Variants in OSBPL11 observed in about 807,000 individuals in gnomAD.
The protein encoded by OSBPL11 is oxysterol binding protein like 11.
In OSBPL11, 33 loss-of-function variants were observed where a neutral mutation model predicts 84.4. The observed-to-expected ratio is 0.39, with a 90% CI of 0.30 to 0.52. OSBPL11 has a LOEUF of 0.52. OSBPL11 is among the 20% of genes least tolerant of loss of function. OSBPL11 has a pLI of 0.72. For synonymous variants in OSBPL11, 276 were observed against 310.2 expected, an observed-to-expected ratio of 0.89 and a Z score of 1.16; for missense variants, 736 against 901.1, an observed-to-expected ratio of 0.82 and a Z score of 2.35.
chr3:125,538,691 TAGATCTGAAACCCA>T, intron 10 of OSBPL11, 58 bp from the exon 11 acceptor site: 1 of 1,474,700 alleles, frequency 6.8e-7, no homozygotes, highest in Non-Finnish European at 9.1e-7. Context: ...GTTTGTTTCT[TAGATCTGAAACCCA>T]AGAACACAGC....
chr3:125,535,669 T>C (rs763194328), intron 11 of OSBPL11, among the ~76,000 whole-genome samples: 17 of 150,900 alleles, frequency 1.1e-4, no homozygotes, highest in Non-Finnish European at 2.1e-4. Flanking sequence ...GAGATGGGGT[T>C]TCACCATGTT....
At chr3:125,589,748 C>T (rs943128883) in intron 1 of OSBPL11, among the ~76,000 whole-genome samples, 1 of 152,098 alleles carries the variant, frequency 6.6e-6, no homozygotes, top group Non-Finnish European at 1.5e-5. Flanking sequence ...CGAACAGGCA[C>T]TTTTCCTTAT....
intron 8 of OSBPL11, among the ~76,000 whole-genome samples, chr3:125,559,871 C>A (rs930791542): frequency 1.3e-5 from 2 of 151,802 alleles, no homozygotes; most frequent in Non-Finnish European, 2.9e-5. Flanking sequence ...TAGGCATGAG[C>A]CACTGTGCCT....
chr3:125,568,480 T>G lies in OSBPL11; in HGVS notation c.667-885A>C, dbSNP rs1936195546. Among the ~76,000 whole-genome samples the G allele has an allele frequency of 1.1e-4, 16 of 151,710 alleles. 1 individual carries two copies. The highest frequency in any genetic ancestry group is 1.1e-3 in the Admixed American group (16 of 15,234). ...TAAGCCATCAAGTTATCAGAAAGAT[T>G]CTAGAAGATCCTTAACAGGAAAATC... On this transcript the variant is annotated intron_variant, in intron 5 of 12. Transcript: ENST00000296220.
chr3:125,546,081 G>A (rs1289924364), intron 10 of OSBPL11, among the ~76,000 whole-genome samples: 2 of 147,928 alleles, frequency 1.4e-5, no homozygotes, highest in Non-Finnish European at 3.0e-5. Flanking sequence ...GAGCCCAGGA[G>A]TACAAAACCA....
At position 125,547,439 on chromosome 3, in the gene OSBPL11, T is replaced by G. The variant is rs773337391; in HGVS notation, c.1808A>C (p.His603Pro). 3.1e-6 allele frequency: 5 copies of G among 1,614,112 alleles called. No individual in the cohort carries two copies. The highest frequency in any genetic ancestry group is 1.7e-5 in the Admixed American group (1 of 59,992). Residue 603 changes from histidine (H) to proline (P), a missense_variant, in exon 10 of 13, where the codon CAT becomes CCT. Transcript: ENST00000296220. ...TTTGCCACCATAAAATGGCTTGGTA[T>G]GAAAAGTGATGCTGGCTGAATATCC... The part of the protein sequence containing the change: ...KTGYSASITF[H>P]TKPFYGGKLH...
intron 6 of OSBPL11, among the ~76,000 whole-genome samples, chr3:125,566,054 G>A (rs994133258): frequency 2.0e-5 from 3 of 152,082 alleles, no homozygotes; most frequent in Admixed American, 6.6e-5. Context: ...CACCCAGGCT[G>A]GAGCGCAGTG....
intron 1 of OSBPL11, 45 bp downstream of exon 1, chr3:125,594,592 C>T: frequency 6.3e-7 from 1 of 1,598,198 alleles, no homozygotes; most frequent in Non-Finnish European, 8.5e-7. Context: ...GGCATATTCA[C>T]CCCTACCTCC....
intron 10 of OSBPL11, 93 bp downstream of exon 10, chr3:125,547,313 T>G: frequency 9.4e-7 from 1 of 1,060,964 alleles, no homozygotes; most frequent in Middle Eastern, 2.1e-4. Flanking sequence ...CAAATCCAAC[T>G]TCACATAGAA....
intron 8 of OSBPL11, among the ~76,000 whole-genome samples, chr3:125,553,547 A>G (rs1410361060): frequency 6.6e-6 from 1 of 152,262 alleles, no homozygotes; most frequent in East Asian, 1.9e-4. Flanking sequence ...CGTCTGAGAA[A>G]GCAAAATCTG....
intron 2 of OSBPL11, among the ~76,000 whole-genome samples, chr3:125,581,217 A>C (rs1486960139): frequency 6.6e-6 from 1 of 151,612 alleles, no homozygotes; most frequent in Non-Finnish European, 1.5e-5. Context: ...CTCAGCTCCC[A>C]AGTACCTGGG....
chr3:125,587,118 A>G (rs1165478982), intron 1 of OSBPL11, among the ~76,000 whole-genome samples: 1 of 152,232 alleles, frequency 6.6e-6, no homozygotes, highest in African/African-American at 2.4e-5. Flanking sequence ...TGCAGCTGCC[A>G]TACAAATAAA....
At chr3:125,583,316 C>T (rs1033871265) in intron 1 of OSBPL11, among the ~76,000 whole-genome samples, 16 of 152,056 alleles carry the variant, frequency 1.1e-4, no homozygotes, top group African/African-American at 2.9e-4. Flanking sequence ...CACAGTGGCT[C>T]GAACCTGTAA....
chr3:125,541,503 G>A (rs1935728257), intron 10 of OSBPL11, among the ~76,000 whole-genome samples: 1 of 152,176 alleles, frequency 6.6e-6, no homozygotes, highest in Non-Finnish European at 1.5e-5. Context: ...TATTTGTCAA[G>A]CCTTGTGACT....
chr3:125,593,675 T>C (rs1394429236), intron 1 of OSBPL11, among the ~76,000 whole-genome samples: 2 of 152,054 alleles, frequency 1.3e-5, no homozygotes, highest in African/African-American at 4.8e-5. Context: ...GTTAATATAG[T>C]CATGCATATT....
chr3:125,580,090 A>C (rs775187353), intron 2 of OSBPL11, 50 bp from the exon 3 acceptor site: 11 of 1,507,118 alleles, frequency 7.3e-6, no homozygotes, highest in Non-Finnish European at 9.1e-7. Context: ...TCCCTCAGCA[A>C]ACTAAAGCAA....
rs1936262899 is a variant in OSBPL11 at position 125,572,871 on chromosome 3, A to G, written c.666+3318T>C. On this transcript the variant is annotated intron_variant, in intron 5 of 12. Transcript: ENST00000296220. The stretch of plus-strand genomic sequence containing the variant: ...TTTATATATATTTATATATTTATAT[A>G]TATATTTTATATATATAAAATATGT... 2.1e-5 allele frequency among the ~76,000 whole-genome samples: 3 copies of G among 146,244 alleles called. No individual in the cohort carries two copies. In the Admixed American group the frequency reaches 2.1e-4, roughly 10 times the overall value.
chr3:125,568,348 G>A (rs563723004), intron 5 of OSBPL11, among the ~76,000 whole-genome samples: 3 of 151,628 alleles, frequency 2.0e-5, no homozygotes, highest in East Asian at 1.9e-4. Flanking sequence ...GAAGAATGGC[G>A]TGAACCTGGG....
chr3:125,561,042 G>T (rs1424760011), intron 7 of OSBPL11, among the ~76,000 whole-genome samples: 1 of 151,800 alleles, frequency 6.6e-6, no homozygotes, highest in East Asian at 1.9e-4. Flanking sequence ...TTGCTCTGTT[G>T]CCTGGGCTGG....
Sources: allele counts gnomAD v4.1 joint callset (sites outside exome capture counted in the v4.1 genomes callset), GRCh38; gene constraint gnomAD v4.1.1; transcripts MANE v1.5; gene names NCBI Gene and HGNC (gene_info 2026-07-23, HGNC 2026-07-21).